CORO2A: variants seen among roughly 807,000 people sequenced by gnomAD.
CORO2A encodes the protein coronin-2A.
CORO2A carries 47 observed loss-of-function variants against 62.4 expected under a neutral mutation model. The ratio of observed to expected loss-of-function variants is 0.75; its 90% CI spans 0.60 to 0.96. The LOEUF is 0.96. Ranked by LOEUF, CORO2A falls within the 40% of genes least tolerant of loss-of-function variation. The probability of loss-of-function intolerance (pLI) is 0.00; values close to 1 mark genes in which losing one functional copy is unlikely to be tolerated. For missense variants in CORO2A, 610 were observed against 684.1 expected, an observed-to-expected ratio of 0.89 and a Z score of 1.21; for synonymous variants, 273 against 268.9, an observed-to-expected ratio of 1.02 and a Z score of -0.15.
chr9:98,133,228 G>C lies in CORO2A; in HGVS notation c.469-11C>G. On this transcript the variant is annotated splice_polypyrimidine_tract_variant and intron_variant, in intron 4 of 11. Coordinates refer to ENST00000375077, the MANE Select transcript of CORO2A (RefSeq NM_052820.4). Reference sequence around the variant, plus strand: ...GTTCCAGATCATCACCTGCATGGCAGAGAGCCAGCTCTGAGCACAGGGGCC... The same window carrying C: ...GTTCCAGATCATCACCTGCATGGCACAGAGCCAGCTCTGAGCACAGGGGCC... 1 of 1,614,002 alleles carries C rather than the reference G, an allele frequency of 6.2e-7. No homozygotes were observed. Among genetic ancestry groups the C allele is most frequent in the African/African-American group, 1.3e-5 (1 of 75,068 alleles).
In CORO2A at chr9:98,124,859, C is replaced by G. The variant is rs186144649; in HGVS notation, c.1493G>C (p.Arg498Pro). The G allele has an allele frequency of 3.1e-6, 5 of 1,589,394 alleles. No homozygotes were observed. Among genetic ancestry groups the G allele is most frequent in the East Asian group, 2.3e-5 (1 of 44,292 alleles). Residue 498 changes from arginine (R) to proline (P), a missense_variant, in exon 12 of 12, where the codon CGG becomes CCG. Coordinates refer to ENST00000375077, the MANE Select transcript of CORO2A (RefSeq NM_052820.4). Reference protein sequence around the residue: ...YRQQEEIRRLRELLTQREVQA... With the variant: ...YRQQEEIRRLPELLTQREVQA... Reference sequence around the variant, plus strand: ...GACCTCTCGCTGGGTCAACAGCTCCCGGAGCCTTCGGATCTCCTCCTGTTG... The same window carrying G: ...GACCTCTCGCTGGGTCAACAGCTCCGGGAGCCTTCGGATCTCCTCCTGTTG...
At chr9:98,135,565 G>T (rs1036008093) in intron 3 of CORO2A, among the ~76,000 whole-genome samples, 1 of 152,142 alleles carries the variant, frequency 6.6e-6, no homozygotes. Context: ...TCCTTCCAGA[G>T]TAGTGTTGTC....
intron 8 of CORO2A, 145 bp downstream of exon 8, chr9:98,129,649 C>G: frequency 4.4e-6 from 3 of 677,786 alleles, no homozygotes; most frequent in Non-Finnish European, 8.0e-6. Context: ...CCCACCAAGT[C>G]AGAGTGTTGC....
intron 1 of CORO2A, among the ~76,000 whole-genome samples, chr9:98,188,242 C>A (rs1038210402): frequency 2.0e-5 from 3 of 152,180 alleles, no homozygotes; most frequent in African/African-American, 7.2e-5. Context: ...CTCAATGAGG[C>A]CCCCAGCCCA....
intron 1 of CORO2A, among the ~76,000 whole-genome samples, chr9:98,178,459 T>A (rs2118926511): frequency 6.6e-6 from 1 of 152,358 alleles, no homozygotes; most frequent in East Asian, 1.9e-4. Flanking sequence ...TAAGCGCTAG[T>A]TAGCTTAGAG....
intron 2 of CORO2A, among the ~76,000 whole-genome samples, chr9:98,143,997 A>G (rs1827608922): frequency 6.6e-6 from 1 of 152,150 alleles, no homozygotes; most frequent in Non-Finnish European, 1.5e-5. Flanking sequence ...TAAGGCCAGG[A>G]GTTCAAGAGC....
In CORO2A at chr9:98,174,142, A is replaced by G. The variant is rs547697100; in HGVS notation, c.1-16482T>C. On this transcript the variant is annotated intron_variant, in intron 1 of 11. Coordinates refer to ENST00000375077, the MANE Select transcript of CORO2A (RefSeq NM_052820.4). ...CCCCCACCGCCAAAACAAAAAACAAAAAAAAAAAACCAAAGAGCGTGTAGC... is the reference window on the plus strand; with the variant it reads ...CCCCCACCGCCAAAACAAAAAACAAGAAAAAAAAACCAAAGAGCGTGTAGC... 4.7e-5 allele frequency among the ~76,000 whole-genome samples: 5 copies of G among 106,102 alleles called. No individual in the cohort carries two copies. The East Asian group carries it at 2.5e-3, about 52-fold the overall frequency. 69.6% of individuals were successfully genotyped at this position (106,102 alleles called of 152,430 possible). A position where few individuals can be genotyped will look rare whatever the true frequency, so the allele number is the denominator to read the frequency against.
chr9:98,132,181 T>A lies in CORO2A; in HGVS notation c.765+4A>T. 1 of 1,609,182 alleles carries A rather than the reference T, an allele frequency of 6.2e-7. No individual in the cohort carries two copies. Among genetic ancestry groups the A allele is most frequent in the Non-Finnish European group, 8.5e-7 (1 of 1,175,592 alleles). On this transcript the variant is annotated splice_donor_region_variant and intron_variant, in intron 6 of 11. Coordinates refer to ENST00000375077, the MANE Select transcript of CORO2A (RefSeq NM_052820.4). ...GATGGTGAGGGGTGGGGTGCAGCCCTCACCTGGTCCCACAAGGCCACCTGC... is the reference window on the plus strand; with the variant it reads ...GATGGTGAGGGGTGGGGTGCAGCCCACACCTGGTCCCACAAGGCCACCTGC...
Position 98,157,638 on chromosome 9 carries a change from C to T in CORO2A, c.23G>A (p.Arg8Gln), listed in dbSNP as rs139886402. Reference protein sequence around the residue: MSWHPQYRSSKFRHVFGK... With the variant: MSWHPQYQSSKFRHVFGK... ...AAAGACATGACGGAACTTGGAGCTC[C>T]GGTACTGGGGGTGCCATGACATCTG... The change falls in exon 2 of 12, where the codon CGG becomes CAG. Residue 8 changes from arginine (R) to glutamine (Q), a missense_variant. Arg to Gln is a conservative substitution (Grantham distance 43). Transcript: ENST00000375077. The T allele has an allele frequency of 2.3e-4, 379 of 1,613,622 alleles. No homozygotes were observed. The highest frequency in any genetic ancestry group is 1.8e-3 in the African/African-American group (133 of 75,006).
Position 98,147,351 on chromosome 9 carries a change from T to C in CORO2A, c.202-9663A>G, listed in dbSNP as rs953910332. 5.9e-5 allele frequency among the ~76,000 whole-genome samples: 9 copies of C among 152,062 alleles called. No homozygotes were observed. In the Middle Eastern group the frequency reaches 0.01, roughly 172 times the overall value. ...TGTGGTAGGGGGCGGGGGGCAGAGG[T>C]TGAAATGACAAAATGTCTAGGATTT... is the stretch of plus-strand genomic sequence containing the variant. On this transcript the variant is annotated intron_variant, in intron 2 of 11. Coordinates refer to ENST00000375077, the MANE Select transcript of CORO2A (RefSeq NM_052820.4).
At chr9:98,145,329 G>A (rs1289822469) in intron 2 of CORO2A, among the ~76,000 whole-genome samples, 1 of 152,158 alleles carries the variant, frequency 6.6e-6, no homozygotes, top group East Asian at 1.9e-4. Context: ...CCCACTTCTG[G>A]TCCTGGCGTT....
At chr9:98,190,774 G>T (rs572997499) in intron 1 of CORO2A, among the ~76,000 whole-genome samples, 5 of 152,346 alleles carry the variant, frequency 3.3e-5, no homozygotes, top group Non-Finnish European at 7.3e-5. Context: ...TTATACATGT[G>T]TCGAGATGAC....
intron 1 of CORO2A, among the ~76,000 whole-genome samples, chr9:98,163,963 C>T (rs1827926043): frequency 6.6e-6 from 1 of 152,132 alleles, no homozygotes; most frequent in Non-Finnish European, 1.5e-5. Flanking sequence ...AATGAAATGA[C>T]CTGATTTGGT....
intron 1 of CORO2A, among the ~76,000 whole-genome samples, chr9:98,181,692 T>C (rs564018467): frequency 6.6e-5 from 10 of 152,212 alleles, no homozygotes; most frequent in African/African-American, 2.2e-4. Context: ...AGGCTGTTTC[T>C]CCTATGCAGC....
At chr9:98,128,482 A>G in intron 9 of CORO2A, 125 bp downstream of exon 9, 1 of 883,378 alleles carries the variant, frequency 1.1e-6, no homozygotes. Flanking sequence ...ACTGGCTGTG[A>G]GAAAGGCCGC....
intron 10 of CORO2A, among the ~76,000 whole-genome samples, 166 bp downstream of exon 10, chr9:98,128,004 A>C (rs1827351012): frequency 6.6e-6 from 1 of 151,880 alleles, no homozygotes; most frequent in African/African-American, 2.4e-5. Flanking sequence ...GACTTTCTGG[A>C]CCTGTATGTG....
In CORO2A at chr9:98,128,711, G is replaced by A. The variant is rs1472259144; in HGVS notation, c.976C>T (p.Pro326Ser). The change falls in exon 9 of 12, where the codon CCA becomes TCA. Residue 326 changes from proline (P) to serine (S), a missense_variant. Transcript: ENST00000375077. ...YNPQKGIGVM[P>S]KRGLDVSSCE... ...GAGGACACGTCGAGTCCTCTCTTTG[G>A]CATGACACCTGAAGGCAGACAGGGA... is the stretch of plus-strand genomic sequence containing the variant. 1.2e-6 allele frequency: 2 copies of A among 1,614,002 alleles called. No homozygotes were observed. The highest frequency in any genetic ancestry group is 3.3e-5 in the Admixed American group (2 of 60,020).
chr9:98,187,064 G>A (rs890785953), intron 1 of CORO2A, among the ~76,000 whole-genome samples: 1 of 152,088 alleles, frequency 6.6e-6, no homozygotes, highest in African/African-American at 2.4e-5. Flanking sequence ...CAGATCATGA[G>A]GTCAGGAGAT....
chr9:98,124,758 G>T lies in CORO2A; in HGVS notation c.*16C>A, dbSNP rs754641035. 1.2e-6 allele frequency: 2 copies of T among 1,603,034 alleles called. No homozygotes were observed. Among genetic ancestry groups the T allele is most frequent in the South Asian group, 1.1e-5 (1 of 88,814 alleles). ...CGAGTGGTGTCCCTGAGGGTGAGGA[G>T]GGCAGAGGTCTCTGCTCAGAGCTGC... On this transcript the variant is annotated 3_prime_UTR_variant, in exon 12 of 12. Coordinates refer to ENST00000375077, the MANE Select transcript of CORO2A (RefSeq NM_052820.4).
Sources: gnomAD v4.1 joint callset for allele counts (sites outside exome capture counted in the v4.1 genomes callset) on GRCh38, gnomAD v4.1.1 for gene constraint, MANE v1.5 for transcripts, NCBI Gene and HGNC (gene_info 2026-07-23, HGNC 2026-07-21) for gene names.